The following ABCB10 variants were observed in gnomAD, a reference collection of about 807,000 sequenced individuals.
The protein encoded by ABCB10 is ATP binding cassette subfamily B member 10.
Under a neutral mutation model 65.4 loss-of-function variants are expected in ABCB10, and 54 were observed. The observed-to-expected ratio is 0.83, with a 90% confidence interval of 0.66 to 1.04. ABCB10 has a LOEUF of 1.04. Ranked by LOEUF, ABCB10 falls within the 50% of genes least tolerant of loss-of-function variation. The pLI is 0.00. For synonymous variants in ABCB10, 418 were observed against 406.5 expected (o/e 1.03, Z -0.34); for missense variants, 846 against 976.6 (o/e 0.87, Z 1.78).
intron 11 of ABCB10, among the ~76,000 whole-genome samples, chr1:229,520,497 A>T (rs1422175997): frequency 2.0e-5 from 3 of 151,648 alleles, no homozygotes; most frequent in Non-Finnish European, 4.4e-5. Flanking sequence ...AAAAAAGAAA[A>T]GCTAACACAT....
chr1:229,518,195 C>T lies in ABCB10; in HGVS notation c.2201G>A (p.Ser734Asn). The change falls in exon 13 of 13, where the codon AGT becomes AAT. Residue 734 changes from serine (S) to asparagine (N), a missense_variant. Physicochemically the swap from Ser to Asn is conservative, Grantham distance 46. Coordinates refer to ENST00000344517, the MANE Select transcript of ABCB10 (RefSeq NM_012089.3). ...ATTGCTTCCTTATGCTGAAATAAAA[C>T]TTTGTTTGTTCATTAGTTTTCTGTA... ...GIYRKLMNKQ[S>N]FISA 6.2e-7 allele frequency: 1 copy of T among 1,613,588 alleles called. No homozygotes were observed. Among genetic ancestry groups the T allele is most frequent in the Non-Finnish European group, 8.5e-7 (1 of 1,179,642 alleles).
At chr1:229,541,857 C>A (rs988132994) in intron 4 of ABCB10, among the ~76,000 whole-genome samples, 2 of 150,950 alleles carry the variant, frequency 1.3e-5, no homozygotes, top group African/African-American at 2.4e-5. Flanking sequence ...GGAGATCACT[C>A]GAGCCTGGGA....
chr1:229,524,517 G>A (rs1007523267), intron 10 of ABCB10, among the ~76,000 whole-genome samples: 20 of 151,964 alleles, frequency 1.3e-4, no homozygotes, highest in Admixed American at 9.8e-4. Flanking sequence ...AAAAAAAAAA[G>A]TGTTTAGCTG....
At chr1:229,523,417 C>G (rs1448586620) in intron 10 of ABCB10, among the ~76,000 whole-genome samples, 1 of 152,198 alleles carries the variant, frequency 6.6e-6, no homozygotes, top group Non-Finnish European at 1.5e-5. Context: ...ACAGTAGTTG[C>G]TGGACATCAT....
At chr1:229,528,833 A>G (rs1436795307) in intron 8 of ABCB10, among the ~76,000 whole-genome samples, 3 of 152,088 alleles carry the variant, frequency 2.0e-5, no homozygotes, top group Non-Finnish European at 2.9e-5. Flanking sequence ...TGGCCAAAAT[A>G]TTCTTTCTAA....
chr1:229,548,942 T>G (rs1381076077), intron 2 of ABCB10, among the ~76,000 whole-genome samples: 1 of 152,198 alleles, frequency 6.6e-6, no homozygotes, highest in Non-Finnish European at 1.5e-5. Context: ...ATTACAGGCA[T>G]GAGCCACGGC....
At chr1:229,531,869 G>T in intron 6 of ABCB10, 138 bp from the exon 7 acceptor site, 1 of 557,140 alleles carries the variant, frequency 1.8e-6, no homozygotes, top group Non-Finnish European at 3.0e-6. Flanking sequence ...ACTTGAGGCA[G>T]CTTCCTGGGA....
At chr1:229,525,208 G>C (rs1662411369) in intron 10 of ABCB10, among the ~76,000 whole-genome samples, 1 of 152,050 alleles carries the variant, frequency 6.6e-6, no homozygotes, top group Non-Finnish European at 1.5e-5. Flanking sequence ...GTCAAACCCT[G>C]GTCTAGTATG....
At chr1:229,523,109 A>G (rs939599350) in intron 10 of ABCB10, among the ~76,000 whole-genome samples, 1 of 152,216 alleles carries the variant, frequency 6.6e-6, no homozygotes, top group African/African-American at 2.4e-5. Flanking sequence ...AAATTACAGT[A>G]AGTCACTCTA....
intron 12 of ABCB10, 59 bp downstream of exon 12, chr1:229,518,782 G>A (rs1435287180): frequency 7.3e-7 from 1 of 1,367,028 alleles, no homozygotes; most frequent in Non-Finnish European, 1.0e-6. Flanking sequence ...AAAGTGTTTT[G>A]GTGAAGGAAG....
chr1:229,520,829 T>C (rs1662297309), intron 11 of ABCB10, among the ~76,000 whole-genome samples: 1 of 152,228 alleles, frequency 6.6e-6, no homozygotes, highest in Non-Finnish European at 1.5e-5. Context: ...TGATTCCATT[T>C]ATCTGAAATG....
At chr1:229,542,423 A>G (rs1324793024) in intron 3 of ABCB10, 52 bp from the exon 4 acceptor site, 5 of 1,587,592 alleles carry the variant, frequency 3.1e-6, no homozygotes, top group Non-Finnish European at 4.3e-6. Flanking sequence ...GGGTGGCAAG[A>G]CATTCTCATT....
chr1:229,554,184 G>C (rs6702185), intron 1 of ABCB10, among the ~76,000 whole-genome samples: 6,700 of 152,212 alleles, frequency 0.044, 411 homozygotes, highest in African/African-American at 0.14. Context: ...TGAGGGTGTG[G>C]GGGAGATGGA....
intron 3 of ABCB10, among the ~76,000 whole-genome samples, chr1:229,542,587 A>G (rs1662877861): frequency 1.3e-5 from 2 of 151,374 alleles, no homozygotes; most frequent in Non-Finnish European, 2.9e-5. Flanking sequence ...ATAAATATTC[A>G]GCATGCCACA....
At chr1:229,537,292 C>G (rs911282031) in intron 6 of ABCB10, among the ~76,000 whole-genome samples, 1 of 152,212 alleles carries the variant, frequency 6.6e-6, no homozygotes, top group African/African-American at 2.4e-5. Flanking sequence ...TTAGGTTTTG[C>G]TTTTCTTCAT....
chr1:229,556,095 C>T (rs1364586293), intron 1 of ABCB10, among the ~76,000 whole-genome samples: 1 of 152,004 alleles, frequency 6.6e-6, no homozygotes, highest in Admixed American at 6.6e-5. Flanking sequence ...AAAAAGAAGG[C>T]CGGGTGCAGT....
rs747645200 is a variant in ABCB10 at position 229,558,584 on chromosome 1, G to A, written c.69C>T (p.Leu23=). 3 of 1,444,000 alleles carry A rather than the reference G, an allele frequency of 2.1e-6. No homozygotes were observed. Among genetic ancestry groups the A allele is most frequent in the South Asian group, 2.6e-5 (2 of 76,384 alleles). 89.4% of individuals were successfully genotyped at this position (1,444,000 alleles called of 1,614,324 possible). ...CGGCCCACACGCAGGCTACCGGCAG[G>A]AGCCGACCTGGCTCGGCAGGGCTCG... ...EPPSPAEPGR[L]LPVACVWAAA... The change falls in exon 1 of 13, where the codon CTC becomes CTT. Residue 23 remains leucine (L), a synonymous_variant. Coordinates refer to ENST00000344517, the MANE Select transcript of ABCB10 (RefSeq NM_012089.3).
chr1:229,530,620 G>C (rs999600837), intron 7 of ABCB10, among the ~76,000 whole-genome samples: 1 of 152,106 alleles, frequency 6.6e-6, no homozygotes, highest in Non-Finnish European at 1.5e-5. Flanking sequence ...TACTATATAC[G>C]TAGACGGTCT....
chr1:229,558,548 G>A lies in ABCB10; in HGVS notation c.105C>T (p.Arg35=). 1 of 1,440,942 alleles carries A rather than the reference G, an allele frequency of 6.9e-7. No individual in the cohort carries two copies. Among genetic ancestry groups the A allele is most frequent in the South Asian group, 1.3e-5 (1 of 76,284 alleles). The allele number at this position is 1,440,942 out of a possible 1,614,324, so 89.3% of individuals were successfully genotyped here. ...PVACVWAAAS[R]VPGSLSPFTG... is the part of the protein sequence containing the mutation. ...TGAACGGCGATAGGGACCCGGGAAC[G>A]CGGCTGGCCGCGGCCCACACGCAGG... is the stretch of plus-strand genomic sequence containing the variant. The change falls in exon 1 of 13, where the codon CGC becomes CGT. Residue 35 remains arginine (R), a synonymous_variant. Transcript: ENST00000344517.
Sources: allele counts gnomAD v4.1 joint callset (sites outside exome capture counted in the v4.1 genomes callset), GRCh38; gene constraint gnomAD v4.1.1; transcripts MANE v1.5; gene names NCBI Gene and HGNC (gene_info 2026-07-23, HGNC 2026-07-21).